The following NOL11 variants were observed in gnomAD, a reference collection of about 807,000 sequenced individuals.
NOL11 encodes the protein nucleolar protein 11.
In NOL11, 42 loss-of-function variants were observed where a neutral mutation model predicts 93.0. The ratio of observed to expected loss-of-function variants is 0.45; its 90% CI spans 0.35 to 0.58. NOL11 has a LOEUF of 0.58. NOL11 is among the 20% of genes least tolerant of loss of function. The pLI is 0.00. For missense variants in NOL11, 775 were observed against 841.8 expected (o/e 0.92, Z 0.98); for synonymous variants, 296 against 293.7 (o/e 1.01, Z -0.08).
rs202096165 is a variant in NOL11 at position 67,724,166 on chromosome 17, C to T, written c.637C>T (p.Arg213Trp). The change falls in exon 6 of 18, where the codon CGG (arginine) becomes TGG (tryptophan). Residue 213 changes from arginine to tryptophan, a missense_variant. Transcript: ENST00000253247. ...AAAGAGTTTTACTGCATCTGTAGAT[C>T]GGAAATTCATCTCTTTGATGTCATT... ...VIKSFTASVD[R>W]KFISLMSLSS... 1.6e-5 allele frequency: 25 copies of T among 1,572,876 alleles called. No homozygotes were observed. In the Admixed American group the frequency reaches 2.2e-4, roughly 14 times the overall value.
chr17:67,738,416 C>T (rs2055224268), intron 14 of NOL11, 61 bp downstream of exon 14: 2 of 1,053,358 alleles, frequency 1.9e-6, no homozygotes, highest in Non-Finnish European at 2.8e-6. Flanking sequence ...ATATGCCAAG[C>T]AGTAACCAAG....
At chr17:67,740,110 C>G (rs1192400443) in intron 16 of NOL11, among the ~76,000 whole-genome samples, 1 of 151,970 alleles carries the variant, frequency 6.6e-6, no homozygotes, top group Non-Finnish European at 1.5e-5. Context: ...TGGTGCGTGC[C>G]TGTAATCCCA....
intron 16 of NOL11, 31 bp downstream of exon 16, chr17:67,739,639 C>A: frequency 7.3e-7 from 1 of 1,378,976 alleles, no homozygotes; most frequent in Non-Finnish European, 1.0e-6. Context: ...TGATTTGGTG[C>A]TGGGAAAAAT....
chr17:67,733,941 C>G (rs2055177634), intron 7 of NOL11, among the ~76,000 whole-genome samples: 1 of 151,808 alleles, frequency 6.6e-6, no homozygotes, highest in South Asian at 2.1e-4. Context: ...GGGGATATTG[C>G]TCTGTAGTTT....
intron 14 of NOL11, 153 bp from the exon 15 acceptor site, chr17:67,738,779 C>T (rs2055227589): frequency 1.2e-5 from 7 of 576,814 alleles, no homozygotes; most frequent in East Asian, 1.1e-4. Flanking sequence ...CACATGATCT[C>T]CAATGATTAG....
chr17:67,721,661 A>T (rs193080650), intron 4 of NOL11, 135 bp downstream of exon 4: 1 of 705,804 alleles, frequency 1.4e-6, no homozygotes, highest in East Asian at 2.7e-5. Flanking sequence ...AACACTGACT[A>T]AAACAACATC....
rs748144597 is a variant in NOL11 at position 67,724,093 on chromosome 17, C to T, written c.564C>T (p.Ile188=). The T allele has an allele frequency of 1.1e-5, 17 of 1,582,220 alleles. No homozygotes were observed. The Admixed American group carries it at 2.6e-4, about 25-fold the overall frequency. ...ACGTGCAAATGTTTAACTCACGTAT[C>T]TTAACCAAATATACACTCTTACTTG... ...FAYVQMFNSR[I]LTKYTLLLGQ... is the part of the protein sequence containing the mutation. The change falls in exon 6 of 18, where the codon ATC becomes ATT. Residue 188 remains isoleucine (I), a synonymous_variant. Transcript: ENST00000253247.
chr17:67,736,137 A>G (rs960826845), intron 9 of NOL11, 114 bp downstream of exon 9: 4 of 1,018,056 alleles, frequency 3.9e-6, no homozygotes, highest in Non-Finnish European at 5.6e-6. Flanking sequence ...TTTGAAATTT[A>G]CCGCTGTTTA....
rs754605827 is a variant in NOL11, at chr17:67,735,888, CTTTT to C, written c.931-8_931-5del. On this transcript the variant is annotated splice_polypyrimidine_tract_variant and splice_region_variant and intron_variant, in intron 8 of 17. Coordinates refer to ENST00000253247, the MANE Select transcript of NOL11 (RefSeq NM_015462.5). ...AAAAATTTGCTTATGTTTTTGATAACTTTTTTTGTAGCTCTGGTATTATGGAGAA... is the reference window on the plus strand; with the variant it reads ...AAAAATTTGCTTATGTTTTTGATAACTTTGTAGCTCTGGTATTATGGAGAA... 2 of 1,596,960 alleles carry C rather than the reference CTTTT, an allele frequency of 1.3e-6. No individual in the cohort carries two copies. Among genetic ancestry groups the C allele is most frequent in the Admixed American group, 3.6e-5 (2 of 55,988 alleles).
In NOL11 at chr17:67,717,944, C is replaced by G. The variant is rs1199317511; in HGVS notation, c.-4C>G. On this transcript the variant is annotated 5_prime_UTR_variant, in exon 1 of 18. Transcript: ENST00000253247. ...GAGCGCGGCCGTACTTAGGTTTGCT[C>G]AAAATGGCAGCGCTGGAGGAAGAAT... 3.7e-6 allele frequency: 6 copies of G among 1,613,908 alleles called. No individual in the cohort carries two copies. The highest frequency in any genetic ancestry group is 5.1e-6 in the Non-Finnish European group (6 of 1,179,978).
intron 8 of NOL11, 102 bp from the exon 9 acceptor site, chr17:67,735,797 GT>G: frequency 1.3e-6 from 1 of 760,822 alleles, no homozygotes; most frequent in Non-Finnish European, 1.9e-6. Context: ...ACTTTGCCTC[GT>G]TTTTAATACT....
chr17:67,729,100 G>GT (rs35495596), intron 7 of NOL11, among the ~76,000 whole-genome samples: 12 of 144,314 alleles, frequency 8.3e-5, no homozygotes, highest in South Asian at 2.2e-4. Context: ...TGTTGTTGTT[G>GT]TTTTTTTTTT....
chr17:67,738,280 A>G lies in NOL11; in HGVS notation c.1688A>G (p.Glu563Gly), dbSNP rs1281516689. ...EEDKCNNCDQ[E>G]LNKKPQDETK... ...GATAAATGCAATAACTGTGATCAAG[A>G]GTTAAATAAAAAGCCCCAGGACGAA... The change falls in exon 14 of 18, where the codon GAG becomes GGG. Residue 563 changes from glutamate to glycine, a missense_variant. Transcript: ENST00000253247. The G allele has an allele frequency of 4.3e-6, 7 of 1,614,072 alleles. No individual in the cohort carries two copies. The East Asian group carries it at 8.9e-5, about 21-fold the overall frequency.
At chr17:67,733,394 T>A (rs894710792) in intron 7 of NOL11, among the ~76,000 whole-genome samples, 1 of 152,070 alleles carries the variant, frequency 6.6e-6, no homozygotes, top group Admixed American at 6.6e-5. Flanking sequence ...TGGATTTTTG[T>A]TTTTCTTCTT....
In NOL11 at chr17:67,737,698, TG is replaced by T; in HGVS notation, c.1403+7del. 6.2e-7 allele frequency: 1 copy of T among 1,612,332 alleles called. No individual in the cohort carries two copies. Among genetic ancestry groups the T allele is most frequent in the Non-Finnish European group, 8.5e-7 (1 of 1,179,292 alleles). ...ACGCATGTGCTTTCTTACAGGTAGC[TG>T]TTTGTGTGTACCACACTGTACGTGC... On this transcript the variant is annotated splice_region_variant and intron_variant, in intron 12 of 17. Transcript: ENST00000253247.
intron 7 of NOL11, among the ~76,000 whole-genome samples, chr17:67,730,141 T>C (rs11650257): frequency 0.16 from 23,785 of 152,172 alleles, 2,402 homozygotes; most frequent in South Asian, 0.24. Context: ...AACAGTTTGT[T>C]ATCTGTTCAT....
chr17:67,719,959 T>C lies in NOL11; in HGVS notation c.309T>C (p.Ala103=). The change falls in exon 3 of 18, where the codon GCT becomes GCC. Residue 103 remains alanine (A), a synonymous_variant. Transcript: ENST00000253247. The part of the protein sequence containing the change: ...EDVNLDKVFK[A]TLSAEVYRIL... ...TAAACCTGGATAAAGTATTTAAAGC[T>C]ACAGTAAGTCTTTGAATTTTCCAAC... 6.4e-7 allele frequency: 1 copy of C among 1,559,098 alleles called. No homozygotes were observed. Among genetic ancestry groups the C allele is most frequent in the Admixed American group, 1.9e-5 (1 of 51,288 alleles).
intron 8 of NOL11, among the ~76,000 whole-genome samples, chr17:67,734,837 G>A (rs1227151943): frequency 6.6e-6 from 1 of 152,144 alleles, no homozygotes; most frequent in Non-Finnish European, 1.5e-5. Context: ...TAAGTAAATA[G>A]CTTGGCAGTT....
intron 7 of NOL11, 41 bp from the exon 8 acceptor site, chr17:67,734,322 A>G (rs1384042453): frequency 1.8e-6 from 2 of 1,125,582 alleles, no homozygotes; most frequent in Admixed American, 1.8e-5. Flanking sequence ...TCATATATTT[A>G]TACTTGGGAC....
Sources: gnomAD v4.1 joint callset for allele counts (sites outside exome capture counted in the v4.1 genomes callset) on GRCh38, gnomAD v4.1.1 for gene constraint, MANE v1.5 for transcripts, NCBI Gene and HGNC (gene_info 2026-07-23, HGNC 2026-07-21) for gene names.